The following UNC5B variants were observed in gnomAD, a reference collection of about 807,000 sequenced individuals.
UNC5B encodes the protein netrin receptor UNC5B.
In UNC5B, 56 loss-of-function variants were observed where a neutral mutation model predicts 103.7. The ratio of observed to expected loss-of-function variants is 0.54; its 90% CI spans 0.44 to 0.67. The LOEUF is 0.67. Among genes scored for constraint, UNC5B ranks in the 30% least tolerant of loss-of-function variants. The pLI, the probability that UNC5B is intolerant of heterozygous loss-of-function variation, is 0.00. For synonymous variants in UNC5B, 577 were observed against 542.0 expected, an observed-to-expected ratio of 1.06 and a Z score of -0.90; for missense variants, 1,194 against 1,284.5, an observed-to-expected ratio of 0.93 and a Z score of 1.08.
At chr10:71,242,376 T>C (rs1257360920) in intron 1 of UNC5B, among the ~76,000 whole-genome samples, 1 of 152,190 alleles carries the variant, frequency 6.6e-6, no homozygotes, top group Non-Finnish European at 1.5e-5. Flanking sequence ...CCCGAGCTAG[T>C]TCAGCAGAGA....
Position 71,296,812 on chromosome 10 carries a change from GATATTCCA to G in UNC5B, c.2490+71_2490+78del, listed in dbSNP as rs1564516202. 30 of 1,451,098 alleles carry G rather than the reference GATATTCCA, an allele frequency of 2.1e-5. No individual in the cohort carries two copies. The African/African-American group carries it at 4.5e-4, about 22-fold the overall frequency. The allele number at this position is 1,451,098 out of a possible 1,614,324, so 89.9% of individuals were successfully genotyped here. A position where few individuals can be genotyped will look rare whatever the true frequency, so the allele number is the denominator to read the frequency against. On this transcript the variant is annotated intron_variant, in intron 15 of 16. Coordinates refer to ENST00000335350, the MANE Select transcript of UNC5B (RefSeq NM_170744.5). ...GCGGAGGTGAGGGAAGGGTGGGGCA[GATATTCCA>G]GCTGCACACCACGCTGGCGGAGGTG...
chr10:71,216,046 CAG>C (rs1843323627), intron 1 of UNC5B, among the ~76,000 whole-genome samples: 2 of 152,104 alleles, frequency 1.3e-5, no homozygotes, highest in Admixed American at 1.3e-4. Context: ...CCCCCACAAA[CAG>C]GGAATTCTGT....
intron 1 of UNC5B, among the ~76,000 whole-genome samples, chr10:71,227,705 T>C (rs201788260): frequency 0.096 from 11,508 of 120,134 alleles, 553 homozygotes; most frequent in East Asian, 0.13. Flanking sequence ...TATACACACA[T>C]ATACACACAC....
intron 1 of UNC5B, among the ~76,000 whole-genome samples, chr10:71,247,596 C>T (rs1447129061): frequency 6.6e-6 from 1 of 152,178 alleles, no homozygotes; most frequent in Non-Finnish European, 1.5e-5. Context: ...GGCACCCTGG[C>T]CCCAGCTGAG....
At chr10:71,230,588 G>T (rs926606496) in intron 1 of UNC5B, among the ~76,000 whole-genome samples, 1 of 152,272 alleles carries the variant, frequency 6.6e-6, no homozygotes, top group East Asian at 1.9e-4. Context: ...CCCTGGGTAT[G>T]TGGGCCTCCC....
intron 1 of UNC5B, among the ~76,000 whole-genome samples, chr10:71,263,288 T>C (rs1485689089): frequency 6.6e-6 from 1 of 152,216 alleles, no homozygotes; most frequent in East Asian, 1.9e-4. Flanking sequence ...TCTGTGGGCC[T>C]CAGTTTCCTC....
chr10:71,218,208 T>C (rs1209387003), intron 1 of UNC5B: 1 of 152,406 alleles, frequency 6.6e-6, no homozygotes, highest in African/African-American at 2.4e-5. Context: ...TGCCGGAGGA[T>C]GGATGTGTGT....
intron 1 of UNC5B, among the ~76,000 whole-genome samples, chr10:71,247,350 A>G (rs76926201): frequency 0.01 from 1,537 of 152,292 alleles, 54 homozygotes; most frequent in East Asian, 0.096. Context: ...CACTGGGTGT[A>G]CAGAGAGGGC....
At chr10:71,297,862 G>C in intron 15 of UNC5B, 47 bp from the exon 16 acceptor site, 1 of 1,556,196 alleles carries the variant, frequency 6.4e-7, no homozygotes, top group Non-Finnish European at 8.7e-7. Context: ...CTGGAGGGCA[G>C]ATGCCCAGCA....
intron 4 of UNC5B, 53 bp from the exon 5 acceptor site, chr10:71,286,636 T>G (rs1845089858): frequency 6.2e-7 from 1 of 1,603,138 alleles, no homozygotes; most frequent in African/African-American, 1.3e-5. Flanking sequence ...TTCTTCTGTT[T>G]ATGATCAAAC....
intron 1 of UNC5B, among the ~76,000 whole-genome samples, chr10:71,265,213 A>G (rs942261566): frequency 2.6e-5 from 4 of 152,176 alleles, no homozygotes; most frequent in African/African-American, 9.7e-5. Flanking sequence ...CTGTTAACTC[A>G]TTACCTGAAT....
At position 71,229,427 on chromosome 10, in the gene UNC5B, T is replaced by G. The variant is rs188391549; in HGVS notation, c.79+16363T>G. ...TCTGCTTTCCAGTCAGTAAGTTGTT[T>G]ATTACACCCTTGACAGTGTCCTCCT... On this transcript the variant is annotated intron_variant, in intron 1 of 16. Coordinates refer to ENST00000335350, the MANE Select transcript of UNC5B (RefSeq NM_170744.5). Among the ~76,000 whole-genome samples the G allele has an allele frequency of 2.0e-5, 3 of 152,272 alleles. No individual in the cohort carries two copies. The East Asian group carries it at 5.8e-4, about 30-fold the overall frequency.
intron 1 of UNC5B, among the ~76,000 whole-genome samples, chr10:71,227,891 G>A (rs576201543): frequency 1.2e-4 from 19 of 152,128 alleles, no homozygotes; most frequent in African/African-American, 4.1e-4. Context: ...GATTAAATGA[G>A]AGAAGTCAAT....
chr10:71,225,014 G>GGGGAGAGCCTGCCTTGTTATACACATTT (rs1843532520), intron 1 of UNC5B, among the ~76,000 whole-genome samples: 2 of 152,154 alleles, frequency 1.3e-5, no homozygotes, highest in East Asian at 1.9e-4. Context: ...TTATCAGCGA[G>GGGGAGAGCCTGCCTTGTTATACACATTT]GGGAGAGCCT....
rs997790330 is a variant in UNC5B at position 71,293,481 on chromosome 10, C to T, written c.1849C>T (p.Pro617Ser). ...ACCCACAGGCCTCCTGCTGTGCCGCCCCGTCATCCTCACCATGCCCCACTG... is the reference window on the plus strand; with the variant it reads ...ACCCACAGGCCTCCTGCTGTGCCGCTCCGTCATCCTCACCATGCCCCACTG... ...CGPTGLLLCRPVILTMPHCAE... is the reference protein window; with the variant it reads ...CGPTGLLLCRSVILTMPHCAE... Residue 617 changes from proline (P) to serine (S), a missense_variant, in exon 12 of 17, where the codon CCC becomes TCC. Transcript: ENST00000335350. The T allele has an allele frequency of 7.4e-6, 12 of 1,614,124 alleles. No homozygotes were observed. Among genetic ancestry groups the T allele is most frequent in the Middle Eastern group, 3.3e-4 (2 of 6,062 alleles).
intron 1 of UNC5B, among the ~76,000 whole-genome samples, chr10:71,274,331 G>C (rs576380713): frequency 6.6e-6 from 1 of 152,002 alleles, no homozygotes; most frequent in Non-Finnish European, 1.5e-5. Context: ...CTGCACTCCA[G>C]CTGGGCCACA....
chr10:71,273,175 C>T (rs116192211), intron 1 of UNC5B, among the ~76,000 whole-genome samples: 2 of 152,260 alleles, frequency 1.3e-5, no homozygotes, highest in African/African-American at 2.4e-5. Flanking sequence ...AGGCGTGAGC[C>T]GCCGCGCCCG....
chr10:71,276,595 G>A (rs1310170492), intron 1 of UNC5B, among the ~76,000 whole-genome samples: 1 of 152,160 alleles, frequency 6.6e-6, no homozygotes, highest in Non-Finnish European at 1.5e-5. Flanking sequence ...CACCATGCCC[G>A]GCTAATTTTT....
rs1371561195 is a variant in UNC5B, at chr10:71,299,493, G to A, written c.*216G>A. 2.7e-5 allele frequency: 15 copies of A among 548,556 alleles called. No individual in the cohort carries two copies. The highest frequency in any genetic ancestry group is 3.8e-5 in the Non-Finnish European group (12 of 312,178). The allele number at this position is 548,556 out of a possible 1,614,324, so 34.0% of individuals were successfully genotyped here. A position where few individuals can be genotyped will look rare whatever the true frequency, so the allele number is the denominator to read the frequency against. ...GGCCCAGAGTTCCTTCTCCACCCCC[G>A]CTCTCTCTCTCTTGGCCTGAGATCT... is the stretch of plus-strand genomic sequence containing the variant. On this transcript the variant is annotated 3_prime_UTR_variant, in exon 17 of 17. Coordinates refer to ENST00000335350, the MANE Select transcript of UNC5B (RefSeq NM_170744.5).
Sources: gnomAD v4.1 joint callset for allele counts (sites outside exome capture counted in the v4.1 genomes callset) on GRCh38, gnomAD v4.1.1 for gene constraint, MANE v1.5 for transcripts, NCBI Gene and HGNC (gene_info 2026-07-23, HGNC 2026-07-21) for gene names.